Variants in PDS5A observed in about 807,000 individuals in gnomAD.
PDS5A encodes PDS5 cohesin associated factor A.
PDS5A carries 42 observed loss-of-function variants against 167.1 expected under a neutral mutation model. The ratio of observed to expected loss-of-function variants is 0.25; its 90% CI spans 0.20 to 0.33. The LOEUF (loss-of-function observed/expected upper bound fraction) is 0.33. Ranked by LOEUF, PDS5A falls within the 10% of genes least tolerant of loss-of-function variation. PDS5A has a pLI of 1.00. For synonymous variants in PDS5A, 553 were observed against 554.6 expected (o/e 1.00, Z 0.04); for missense variants, 1,033 against 1,605.9 (o/e 0.64, Z 6.10).
chr4:39,938,026 GC>G (rs1726801908), intron 2 of PDS5A, among the ~76,000 whole-genome samples: 1 of 152,164 alleles, frequency 6.6e-6, no homozygotes, highest in Non-Finnish European at 1.5e-5. Flanking sequence ...CAGAATTGTG[GC>G]CAATCACAGG....
rs556895913 is a variant in PDS5A, at chr4:39,837,310, G to C, written c.4010+546C>G. The C allele has an allele frequency of 2.0e-5, 3 of 153,376 alleles. No individual in the cohort carries two copies. In the East Asian group the frequency reaches 5.8e-4, roughly 30 times the overall value. The allele number at this position is 153,376 out of a possible 1,614,324, so 9.5% of individuals were successfully genotyped here. ...AAGTTCTAAGGCCAAGGTGAAAGGA[G>C]CCACCTTCTAGATTTCCAACAGGAA... On this transcript the variant is annotated intron_variant, in intron 32 of 32. Transcript: ENST00000303538.
At chr4:39,919,461 C>T (rs191539385) in intron 7 of PDS5A, among the ~76,000 whole-genome samples, 18 of 152,158 alleles carry the variant, frequency 1.2e-4, no homozygotes, top group East Asian at 1.9e-4. Flanking sequence ...CTGGCTAACA[C>T]GGTGAAACCC....
At chr4:39,870,869 A>G (rs765807424) in intron 21 of PDS5A, among the ~76,000 whole-genome samples, 1 of 152,194 alleles carries the variant, frequency 6.6e-6, no homozygotes, top group Non-Finnish European at 1.5e-5. Context: ...ATAAATGTTT[A>G]TATCAGCATT....
chr4:39,973,605 C>T, intron 2 of PDS5A: 2 of 1,281,112 alleles, frequency 1.6e-6, no homozygotes, highest in South Asian at 2.4e-5. Flanking sequence ...GTTTCTCCTT[C>T]CCGGAAGAAG....
intron 30 of PDS5A, 67 bp from the exon 31 acceptor site, chr4:39,842,123 C>A: frequency 2.0e-6 from 2 of 1,011,312 alleles, no homozygotes; most frequent in Non-Finnish European, 1.5e-6. Flanking sequence ...CTCACCGTAC[C>A]AATAAAGAAA....
chr4:39,955,203 T>A (rs1728810854), intron 2 of PDS5A, among the ~76,000 whole-genome samples: 1 of 152,130 alleles, frequency 6.6e-6, no homozygotes, highest in South Asian at 2.1e-4. Flanking sequence ...ACCAAGAGCA[T>A]TACATGAATA....
Position 39,849,547 on chromosome 4 carries a change from C to T in PDS5A, c.3192G>A (p.Gln1064=), listed in dbSNP as rs751711960. ...AENIKLTRDA[Q]SPDESKTNEK... ...CATTTGTCTTGGATTCATCTGGAGACTGGGCATCTCTGGTTAACTTGATGT... is the reference window on the plus strand; with the variant it reads ...CATTTGTCTTGGATTCATCTGGAGATTGGGCATCTCTGGTTAACTTGATGT... Residue 1064 remains glutamine, a synonymous_variant, in exon 27 of 33, where the codon CAG becomes CAA. Transcript: ENST00000303538. The T allele has an allele frequency of 5.6e-6, 9 of 1,610,444 alleles. No individual in the cohort carries two copies. In the Admixed American group the frequency reaches 1.5e-4, roughly 27 times the overall value.
At chr4:39,971,105 G>A (rs1189248831) in intron 2 of PDS5A, among the ~76,000 whole-genome samples, 1 of 150,708 alleles carries the variant, frequency 6.6e-6, no homozygotes, top group Non-Finnish European at 1.5e-5. Context: ...ACGAGAACAG[G>A]ACCAAACACC....
intron 2 of PDS5A, among the ~76,000 whole-genome samples, chr4:39,956,804 G>C (rs28504997): frequency 0.27 from 41,414 of 151,600 alleles, 6,376 homozygotes; most frequent in East Asian, 0.62. Context: ...TCCAGAGTGG[G>C]CAGGACTATA....
chr4:39,837,843 T>G lies in PDS5A; in HGVS notation c.4010+13A>C, dbSNP rs1560414827. The G allele has an allele frequency of 6.4e-7, 1 of 1,571,144 alleles. No individual in the cohort carries two copies. The highest frequency in any genetic ancestry group is 8.7e-7 in the Non-Finnish European group (1 of 1,153,350). ...GTCTAAATTCCCACTTGAGGAAGAA[T>G]GGCGTACATTACCTTTGTAAGTCAA... On this transcript the variant is annotated intron_variant, in intron 32 of 32. Transcript: ENST00000303538.
chr4:39,849,779 T>C (rs891266575), intron 26 of PDS5A, 127 bp from the exon 27 acceptor site: 9 of 579,106 alleles, frequency 1.6e-5, no homozygotes, highest in Admixed American at 3.0e-5. Context: ...TAATGACTAA[T>C]ATATGTTATT....
intron 16 of PDS5A, among the ~76,000 whole-genome samples, chr4:39,891,661 C>T (rs1721977056): frequency 7.2e-6 from 1 of 139,190 alleles, no homozygotes; most frequent in South Asian, 2.7e-4. Flanking sequence ...GAAACAGAAA[C>T]ACATATTCGT....
At chr4:39,943,027 A>G (rs1354207227) in intron 2 of PDS5A, among the ~76,000 whole-genome samples, 1 of 152,124 alleles carries the variant, frequency 6.6e-6, no homozygotes, top group East Asian at 1.9e-4. Flanking sequence ...AATGAAATGC[A>G]TTAGTATATT....
intron 2 of PDS5A, chr4:39,973,443 C>G (rs138525006): frequency 1.6e-6 from 2 of 1,280,066 alleles, no homozygotes; most frequent in Non-Finnish European, 2.3e-6. Context: ...TAGCTGCAGC[C>G]AGCAGATACC....
chr4:39,914,795 C>T (rs1313830376), intron 8 of PDS5A, among the ~76,000 whole-genome samples: 2 of 152,078 alleles, frequency 1.3e-5, no homozygotes, highest in African/African-American at 4.8e-5. Flanking sequence ...AAAGCAACTG[C>T]TAATTTTTTT....
chr4:39,851,583 T>C (rs2035358736), intron 26 of PDS5A, among the ~76,000 whole-genome samples: 2 of 152,354 alleles, frequency 1.3e-5, no homozygotes, highest in South Asian at 4.1e-4. Flanking sequence ...CTACCACTCC[T>C]GGCTATCTAA....
chr4:39,910,409 C>G (rs1723786494), intron 9 of PDS5A, 71 bp from the exon 10 acceptor site: 1 of 751,106 alleles, frequency 1.3e-6, no homozygotes, highest in Non-Finnish European at 2.3e-6. Flanking sequence ...GTATATCTAA[C>G]ATGAAAATAC....
intron 23 of PDS5A, among the ~76,000 whole-genome samples, chr4:39,863,660 TTC>T (rs1356027882): frequency 6.6e-6 from 1 of 152,178 alleles, no homozygotes; most frequent in Non-Finnish European, 1.5e-5. Flanking sequence ...CATTGTGACT[TTC>T]TGATTACAAA....
intron 9 of PDS5A, among the ~76,000 whole-genome samples, chr4:39,910,722 C>G (rs920863617): frequency 6.6e-6 from 1 of 152,148 alleles, no homozygotes; most frequent in African/African-American, 2.4e-5. Flanking sequence ...ATTCCAGGCA[C>G]GGTGGCTGAC....
Sources: gnomAD v4.1 joint callset for allele counts (sites outside exome capture counted in the v4.1 genomes callset) on GRCh38, gnomAD v4.1.1 for gene constraint, MANE v1.5 for transcripts, NCBI Gene and HGNC (gene_info 2026-07-23, HGNC 2026-07-21) for gene names.